ACBD5: variants seen among roughly 807,000 people sequenced by gnomAD.
ACBD5 encodes acyl-CoA-binding domain-containing protein 5.
In ACBD5, 40 loss-of-function variants were observed where a neutral mutation model predicts 71.8. That is an observed-to-expected ratio of 0.56 (90% CI 0.43 to 0.72). ACBD5 has a LOEUF of 0.72. Among genes scored for constraint, ACBD5 ranks in the 30% least tolerant of loss-of-function variants. ACBD5 has a pLI of 0.00. For missense variants in ACBD5, 559 were observed against 644.5 expected, an observed-to-expected ratio of 0.87 and a Z score of 1.44; for synonymous variants, 229 against 218.6, an observed-to-expected ratio of 1.05 and a Z score of -0.42.
intron 2 of ACBD5, among the ~76,000 whole-genome samples, chr10:27,238,786 T>C (rs1295018664): frequency 7.6e-6 from 1 of 131,124 alleles, no homozygotes. Context: ...TATTGATAAT[T>C]AATGATAATT....
chr10:27,213,479 C>T (rs189551720), intron 8 of ACBD5, among the ~76,000 whole-genome samples: 12 of 152,172 alleles, frequency 7.9e-5, no homozygotes, highest in African/African-American at 2.9e-4. Context: ...ACAAACAAGC[C>T]GGGCGTGGTG....
Position 27,240,242 on chromosome 10 carries a change from C to T in ACBD5, c.181+77G>A, listed in dbSNP as rs2065303261. On this transcript the variant is annotated intron_variant, in intron 2 of 12. Coordinates refer to ENST00000396271, the MANE Select transcript of ACBD5 (RefSeq NM_145698.5). The surrounding 1 kb of genome is among the most constrained non-coding windows in gnomAD (Gnocchi z 4.1). ...ACAGAAAAAAAGGCTAAATAAACAA[C>T]ACTAGAACCAGAAAGTGAAAGGGGG... The T allele has an allele frequency of 1.9e-6, 3 of 1,611,530 alleles. No homozygotes were observed. Among genetic ancestry groups the T allele is most frequent in the Non-Finnish European group, 2.5e-6 (3 of 1,179,478 alleles).
intron 4 of ACBD5, among the ~76,000 whole-genome samples, chr10:27,227,845 T>C (rs1323067799): frequency 1.3e-5 from 2 of 152,070 alleles, no homozygotes. Flanking sequence ...CTCTAGTAGC[T>C]GAGATTACAA....
At chr10:27,225,401 A>G (rs2062890805) in intron 4 of ACBD5, among the ~76,000 whole-genome samples, 1 of 152,176 alleles carries the variant, frequency 6.6e-6, no homozygotes, top group South Asian at 2.1e-4. Context: ...CATCAACACC[A>G]TTCCCCACTG....
intron 10 of ACBD5, among the ~76,000 whole-genome samples, chr10:27,207,430 A>G (rs1406326252): frequency 6.6e-6 from 1 of 152,228 alleles, no homozygotes; most frequent in Non-Finnish European, 1.5e-5. Flanking sequence ...AAAGCCTGCT[A>G]TCAGTTTCTT....
At chr10:27,201,930 G>A (rs979156700) in intron 12 of ACBD5, among the ~76,000 whole-genome samples, 1 of 152,116 alleles carries the variant, frequency 6.6e-6, no homozygotes, top group African/African-American at 2.4e-5. Flanking sequence ...TGCCCAAAAA[G>A]GGATTCAGTC....
rs543720340 is a variant in ACBD5 at position 27,208,406 on chromosome 10, C to T, written c.1244G>A (p.Arg415Gln). The T allele has an allele frequency of 8.7e-6, 14 of 1,614,130 alleles. No individual in the cohort carries two copies. The highest frequency in any genetic ancestry group is 4.5e-5 in the East Asian group (2 of 44,884). Reference protein sequence around the residue: ...MQHLSEGTKGRQVGSGGDGER... With the variant: ...MQHLSEGTKGQQVGSGGDGER... ...CCCATCACCTCCACTTCCCACCTGC[C>T]GGCCCTTGGTTCCTTCGCTCAAGTG... The change falls in exon 10 of 13, where the codon CGG (arginine) becomes CAG (glutamine). Residue 415 changes from arginine to glutamine, a missense_variant. Transcript: ENST00000396271.
At chr10:27,205,084 A>G (rs531869879) in intron 11 of ACBD5, 114 bp downstream of exon 11, 8 of 975,014 alleles carry the variant, frequency 8.2e-6, no homozygotes, top group East Asian at 3.1e-5. Context: ...CTGAGATCGC[A>G]CCACTGCACT....
chr10:27,224,275 G>A lies in ACBD5; in HGVS notation c.376-823C>T, dbSNP rs539903532. 1.3e-4 allele frequency among the ~76,000 whole-genome samples: 20 copies of A among 152,140 alleles called. No homozygotes were observed. The East Asian group carries it at 3.3e-3, about 25-fold the overall frequency. On this transcript the variant is annotated intron_variant, in intron 4 of 12. Coordinates refer to ENST00000396271, the MANE Select transcript of ACBD5 (RefSeq NM_145698.5). Reference sequence around the variant, plus strand: ...GCCTGTAGTCCCAGCTACTCGGGAGGCTGAGGTGGAAGGATCTCTTGAGCC... The same window carrying A: ...GCCTGTAGTCCCAGCTACTCGGGAGACTGAGGTGGAAGGATCTCTTGAGCC...
chr10:27,224,888 G>A (rs1192927852), intron 4 of ACBD5, among the ~76,000 whole-genome samples: 2 of 151,944 alleles, frequency 1.3e-5, no homozygotes, highest in Non-Finnish European at 2.9e-5. Context: ...AATATTAGCC[G>A]GGCTTGGTGG....
intron 13 of ACBD5, among the ~76,000 whole-genome samples, chr10:27,185,338 C>A (rs2058625929): frequency 6.6e-6 from 1 of 151,956 alleles, no homozygotes; most frequent in Non-Finnish European, 1.5e-5. Flanking sequence ...GATTCTTTAA[C>A]AAGATGCAGG....
intron 12 of ACBD5, among the ~76,000 whole-genome samples, 173 bp from the exon 13 acceptor site, chr10:27,197,615 A>C (rs1196811912): frequency 6.6e-6 from 1 of 152,202 alleles, no homozygotes; most frequent in Non-Finnish European, 1.5e-5. Context: ...TCCAATTACA[A>C]GTGCTGAAAT....
At chr10:27,189,045 C>T (rs931719961) in intron 13 of ACBD5, among the ~76,000 whole-genome samples, 3 of 152,186 alleles carry the variant, frequency 2.0e-5, no homozygotes, top group African/African-American at 7.2e-5. Flanking sequence ...GATATAACTT[C>T]TCCTTTGCTG....
chr10:27,186,267 A>G, intron 13 of ACBD5: 2 of 1,113,204 alleles, frequency 1.8e-6, no homozygotes, highest in Non-Finnish European at 2.7e-6. Context: ...AAACTGACAT[A>G]ATAAAGTAAG....
At chr10:27,241,761 G>A (rs556009071), upstream of ACBD5, among the ~76,000 whole-genome samples, 1 of 152,106 alleles carries the variant, frequency 6.6e-6, no homozygotes, top group Non-Finnish European at 1.5e-5. Flanking sequence ...GTAGAGGGCG[G>A]GGCCAATGAG....
At chr10:27,189,768 A>AT (rs1451361205) in intron 13 of ACBD5, among the ~76,000 whole-genome samples, 4 of 71,506 alleles carry the variant, frequency 5.6e-5, no homozygotes, top group African/African-American at 2.5e-4. Context: ...AGTATAATAA[A>AT]AATATATATA....
intron 8 of ACBD5, among the ~76,000 whole-genome samples, chr10:27,212,579 CT>C (rs398045942): frequency 1.6e-3 from 212 of 132,674 alleles, no homozygotes; most frequent in Middle Eastern, 3.9e-3. Flanking sequence ...ATTTATGCTG[CT>C]TTTTTTTTTT....
rs2059440329 is a variant in ACBD5 at position 27,197,065 on chromosome 10, A to T, written c.*365T>A. 1 of 458,746 alleles carries T rather than the reference A, an allele frequency of 2.2e-6. No homozygotes were observed. The highest frequency in any genetic ancestry group is 6.4e-5 in the East Asian group (1 of 15,534). 28.4% of individuals were successfully genotyped at this position (458,746 alleles called of 1,614,324 possible). On this transcript the variant is annotated 3_prime_UTR_variant, in exon 13 of 13. Transcript: ENST00000396271. Reference sequence around the variant, plus strand: ...AATAATAACTTATAAATTTGATCTCATTATCACAATGGTACCTTTGAAAAG... The same window carrying T: ...AATAATAACTTATAAATTTGATCTCTTTATCACAATGGTACCTTTGAAAAG...
chr10:27,207,087 C>A (rs2060541280), intron 10 of ACBD5, among the ~76,000 whole-genome samples: 1 of 151,546 alleles, frequency 6.6e-6, no homozygotes, highest in African/African-American at 2.4e-5. Flanking sequence ...ACCACCCTGG[C>A]CAACATGGTG....
Sources: gnomAD v4.1 joint callset for allele counts (sites outside exome capture counted in the v4.1 genomes callset) on GRCh38, gnomAD v4.1.1 for gene constraint, Gnocchi (gnomAD v3.1) non-coding constraint, MANE v1.5 for transcripts, NCBI Gene and HGNC (gene_info 2026-07-23, HGNC 2026-07-21) for gene names.